The following CDH9 variants were observed in gnomAD, a reference collection of about 807,000 sequenced individuals.
CDH9 encodes cadherin-9.
A neutral mutation model predicts 70.9 loss-of-function variants in CDH9; 28 were observed. The observed-to-expected ratio is 0.40, with a 90% CI of 0.29 to 0.54. The LOEUF is 0.54. Ranked by LOEUF, CDH9 falls within the 20% of genes least tolerant of loss-of-function variation. The probability of loss-of-function intolerance (pLI) is 0.59; values close to 1 mark genes in which losing one functional copy is unlikely to be tolerated. For missense variants in CDH9, 874 were observed against 984.4 expected, an observed-to-expected ratio of 0.89 and a Z score of 1.50; for synonymous variants, 409 against 343.1, an observed-to-expected ratio of 1.19 and a Z score of -2.12.
intron 7 of CDH9, among the ~76,000 whole-genome samples, chr5:26,898,569 G>T (rs1481703325): frequency 2.0e-5 from 3 of 152,264 alleles, no homozygotes; most frequent in Non-Finnish European, 4.4e-5. Flanking sequence ...AAGAAATGGG[G>T]AAAGGATTCC....
intron 2 of CDH9, among the ~76,000 whole-genome samples, chr5:26,942,173 A>G (rs1179670075): frequency 6.6e-6 from 1 of 152,244 alleles, no homozygotes; most frequent in East Asian, 1.9e-4. Flanking sequence ...ACATGGTGGC[A>G]GAAAGAAGTG....
At chr5:26,991,718 G>T (rs1032668726) in intron 1 of CDH9, among the ~76,000 whole-genome samples, 6 of 152,034 alleles carry the variant, frequency 3.9e-5, no homozygotes, top group Non-Finnish European at 7.4e-5. Flanking sequence ...ATTGGTTATG[G>T]AGGGTGAAGA....
intron 2 of CDH9, among the ~76,000 whole-genome samples, chr5:26,919,414 G>T (rs981858397): frequency 6.6e-5 from 10 of 152,310 alleles, no homozygotes; most frequent in African/African-American, 2.2e-4. Context: ...CCAGTGGTCA[G>T]AAGCCAAATG....
chr5:26,906,989 C>T (rs548054588), intron 3 of CDH9, 151 bp from the exon 4 acceptor site: 3 of 1,254,220 alleles, frequency 2.4e-6, no homozygotes, highest in Non-Finnish European at 3.0e-6. Context: ...AAAAAAGTTA[C>T]TTTCCTTTCT....
At chr5:26,998,178 C>T (rs1413890225) in intron 1 of CDH9, among the ~76,000 whole-genome samples, 2 of 152,154 alleles carry the variant, frequency 1.3e-5, no homozygotes, top group South Asian at 4.1e-4. Context: ...CAATGCCCAA[C>T]AGGGCTTCTA....
At chr5:27,016,950 T>G (rs1743056489) in intron 1 of CDH9, among the ~76,000 whole-genome samples, 1 of 151,936 alleles carries the variant, frequency 6.6e-6, no homozygotes, top group Non-Finnish European at 1.5e-5. Context: ...GTTGTCATTT[T>G]TAAATTATTT....
intron 1 of CDH9, among the ~76,000 whole-genome samples, chr5:27,031,936 T>TA (rs558497129): frequency 4.3e-4 from 65 of 152,002 alleles, no homozygotes; most frequent in Non-Finnish European, 1.0e-4. Context: ...CTTAATTTTC[T>TA]AAAATCACAA....
At chr5:26,907,586 T>G (rs528645594) in intron 3 of CDH9, among the ~76,000 whole-genome samples, 1 of 152,228 alleles carries the variant, frequency 6.6e-6, no homozygotes, top group African/African-American at 2.4e-5. Flanking sequence ...TAAATTTAAA[T>G]TATGTTAAAT....
chr5:26,982,636 A>G (rs907206305), intron 2 of CDH9, among the ~76,000 whole-genome samples: 1 of 152,178 alleles, frequency 6.6e-6, no homozygotes, highest in Non-Finnish European at 1.5e-5. Flanking sequence ...ACAATGTAGA[A>G]GATGTATCCA....
chr5:26,941,271 C>T (rs911498972), intron 2 of CDH9, among the ~76,000 whole-genome samples: 2 of 152,194 alleles, frequency 1.3e-5, no homozygotes, highest in Non-Finnish European at 2.9e-5. Flanking sequence ...TTTTGATGCT[C>T]TCTCTATAGG....
chr5:26,914,441 G>A lies in CDH9; in HGVS notation c.523+1189C>T, dbSNP rs569880899. ...ACTAAGATACTAAAAAATATAACAG[G>A]GAACATATCCACTCATTTTTTGTAT... On this transcript the variant is annotated intron_variant, in intron 3 of 11. Coordinates refer to ENST00000231021, the MANE Select transcript of CDH9 (RefSeq NM_016279.4). Among the ~76,000 whole-genome samples, 5 of 151,672 alleles carry A rather than the reference G, an allele frequency of 3.3e-5. No homozygotes were observed. In the East Asian group the frequency reaches 9.7e-4, roughly 29 times the overall value.
intron 2 of CDH9, among the ~76,000 whole-genome samples, chr5:26,930,317 T>C (rs1741420375): frequency 6.6e-6 from 1 of 152,110 alleles, no homozygotes; most frequent in African/African-American, 2.4e-5. Flanking sequence ...AAACTGCACA[T>C]GTTTAATGTA....
chr5:26,919,947 G>T (rs1010652914), intron 2 of CDH9, among the ~76,000 whole-genome samples: 1 of 152,116 alleles, frequency 6.6e-6, no homozygotes, highest in Admixed American at 6.5e-5. Flanking sequence ...CTGGCTTCAG[G>T]TGTGATCAAG....
chr5:26,923,855 C>A (rs1404260492), intron 2 of CDH9, among the ~76,000 whole-genome samples: 2 of 151,810 alleles, frequency 1.3e-5, no homozygotes, highest in Non-Finnish European at 2.9e-5. Context: ...TAGAAAAGTT[C>A]TTGAAACTAA....
intron 2 of CDH9, among the ~76,000 whole-genome samples, chr5:26,970,263 C>T (rs939264106): frequency 6.6e-6 from 1 of 151,278 alleles, no homozygotes; most frequent in Non-Finnish European, 1.5e-5. Flanking sequence ...ATTCATTTTC[C>T]CCTTCATATA....
chr5:27,022,085 A>G (rs1370756146), intron 1 of CDH9, among the ~76,000 whole-genome samples: 1 of 152,038 alleles, frequency 6.6e-6, no homozygotes, highest in Non-Finnish European at 1.5e-5. Flanking sequence ...CCATAACACT[A>G]TAGATAAAAC....
At chr5:26,957,651 A>G (rs957841754) in intron 2 of CDH9, among the ~76,000 whole-genome samples, 1 of 151,812 alleles carries the variant, frequency 6.6e-6, no homozygotes, top group Non-Finnish European at 1.5e-5. Flanking sequence ...AACAGAAGAG[A>G]CGGTCTCAAA....
intron 2 of CDH9, among the ~76,000 whole-genome samples, chr5:26,964,035 G>A (rs1276690056): frequency 6.6e-6 from 1 of 151,972 alleles, no homozygotes; most frequent in East Asian, 1.9e-4. Flanking sequence ...GAAAATATGA[G>A]TGCTCATGTT....
chr5:26,892,363 G>A (rs866553497), intron 7 of CDH9, among the ~76,000 whole-genome samples: 1 of 152,232 alleles, frequency 6.6e-6, no homozygotes, highest in Middle Eastern at 3.4e-3. Flanking sequence ...GGTCTGGGGT[G>A]GGAGCTGAGA....
Sources: gnomAD v4.1 joint callset for allele counts (sites outside exome capture counted in the v4.1 genomes callset) on GRCh38, gnomAD v4.1.1 for gene constraint, MANE v1.5 for transcripts, NCBI Gene and HGNC (gene_info 2026-07-23, HGNC 2026-07-21) for gene names.